Variants in HTT observed in about 807,000 individuals in gnomAD.
HTT encodes huntingtin, also known as huntington disease protein.
HTT carries 104 observed loss-of-function variants against 362.3 expected under a neutral mutation model. That is an observed-to-expected ratio of 0.29 (90% CI 0.24 to 0.34). HTT has a LOEUF of 0.34. Ranked by LOEUF, HTT falls within the 10% of genes least tolerant of loss-of-function variation. The probability of loss-of-function intolerance (pLI) is 1.00; values close to 1 mark genes in which losing one functional copy is unlikely to be tolerated. For synonymous variants in HTT, 1,577 were observed against 1,548.7 expected, an observed-to-expected ratio of 1.02 and a Z score of -0.43; for missense variants, 3,301 against 3,928.6, an observed-to-expected ratio of 0.84 and a Z score of 4.27.
chr4:3,194,455 A>G (rs992335713), intron 40 of HTT, among the ~76,000 whole-genome samples: 4 of 152,250 alleles, frequency 2.6e-5, no homozygotes, highest in African/African-American at 9.6e-5. Flanking sequence ...CCAGAGGCCC[A>G]GGAGGTGGAA....
intron 55 of HTT, 87 bp downstream of exon 55, chr4:3,223,647 A>G (rs1467667949): frequency 1.6e-5 from 19 of 1,223,292 alleles, no homozygotes; most frequent in Non-Finnish European, 2.2e-5. Context: ...AGCTTCAACC[A>G]GGCCGTTTTC....
chr4:3,238,828 C>G lies in HTT; in HGVS notation c.9065C>G (p.Thr3022Ser). The change falls in exon 66 of 67, where the codon ACT becomes AGT. Residue 3022 changes from threonine to serine, a missense_variant. Coordinates refer to ENST00000355072, the MANE Select transcript of HTT (RefSeq NM_001388492.1). ...MATVVYKVFQ[T>S]LHSTGQSSMV... ...GCTTGCTCCTTGCAGGTGTTTCAGA[C>G]TCTGCACAGCACCGGGCAGTCGTCC... 6.3e-7 allele frequency: 1 copy of G among 1,599,228 alleles called. No homozygotes were observed. The highest frequency in any genetic ancestry group is 1.3e-5 in the African/African-American group (1 of 74,410).
rs778931192 is a variant in HTT at position 3,132,875 on chromosome 4, T to G, written c.2457T>G (p.Ser819=). The G allele has an allele frequency of 1.2e-6, 2 of 1,614,080 alleles. No homozygotes were observed. The highest frequency in any genetic ancestry group is 1.7e-6 in the Non-Finnish European group (2 of 1,179,892). The stretch of plus-strand genomic sequence containing the variant: ...TGCGGAAAACACTGAAGGATGAGTC[T>G]TCTGTTACTTGCAAGTTAGCTTGTA... ...PLLRKTLKDE[S]SVTCKLACTA... Residue 819 remains serine, a synonymous_variant, in exon 18 of 67, where the codon TCT becomes TCG. Transcript: ENST00000355072.
rs144449383 is a variant in HTT, at chr4:3,186,756, C to T, written c.4989+37C>T. ...GCCTGGCTCAGCAGATGAATCTGGA[C>T]GGCTTGTTCAGGCTCTGATTACTGG... On this transcript the variant is annotated intron_variant, in intron 38 of 66. Transcript: ENST00000355072. 134 of 1,593,118 alleles carry T rather than the reference C, an allele frequency of 8.4e-5. No individual in the cohort carries two copies. The East Asian group carries it at 1.3e-3, about 15-fold the overall frequency.
rs1721835435 is a variant in HTT at position 3,242,215 on chromosome 4, CAT to C, written c.*2158_*2159del. 6.6e-6 allele frequency: 1 copy of C among 152,176 alleles called. No homozygotes were observed. The highest frequency in any genetic ancestry group is 1.5e-5 in the Non-Finnish European group (1 of 68,040). The allele number at this position is 152,176 out of a possible 1,614,324, so 9.4% of individuals were successfully genotyped here. A position where few individuals can be genotyped will look rare whatever the true frequency, so the allele number is the denominator to read the frequency against. ...TTGGAATGCATATCGCTGGGCTCAA[CAT>C]AGAGTTTGTCTTCCTCTTGTTTACG... is the stretch of plus-strand genomic sequence containing the variant. On this transcript the variant is annotated 3_prime_UTR_variant, in exon 67 of 67. Coordinates refer to ENST00000355072, the MANE Select transcript of HTT (RefSeq NM_001388492.1).
chr4:3,105,401 T>C lies in HTT; in HGVS notation c.573T>C (p.Ala191=). 3.7e-6 allele frequency: 6 copies of C among 1,614,100 alleles called. No homozygotes were observed. The highest frequency in any genetic ancestry group is 5.1e-6 in the Non-Finnish European group (6 of 1,179,928). Reference sequence around the variant, plus strand: ...TGCGTGCTGCCCTGTGGAGGTTTGCTGAGCTGGCTCACCTGGTTCGGCCTC... The same window carrying C: ...TGCGTGCTGCCCTGTGGAGGTTTGCCGAGCTGGCTCACCTGGTTCGGCCTC... ...RSLRAALWRF[A]ELAHLVRPQK... The change falls in exon 5 of 67, where the codon GCT becomes GCC. Residue 191 remains alanine, a synonymous_variant. Coordinates refer to ENST00000355072, the MANE Select transcript of HTT (RefSeq NM_001388492.1).
rs1276925440 is a variant in HTT, at chr4:3,228,583, C to T, written c.7849-32C>T. On this transcript the variant is annotated intron_variant, in intron 57 of 66. Coordinates refer to ENST00000355072, the MANE Select transcript of HTT (RefSeq NM_001388492.1). The surrounding 1 kb of genome is among the most constrained non-coding windows in gnomAD (Gnocchi z 4.3). ...CACCAGGAGCCTGGCACTGTGGCCG[C>T]AGCACTGAGCAGTGCCCCGTTTCTG... The T allele has an allele frequency of 3.9e-6, 6 of 1,525,962 alleles. No homozygotes were observed. Among genetic ancestry groups the T allele is most frequent in the Non-Finnish European group, 5.3e-6 (6 of 1,136,778 alleles). The allele number at this position is 1,525,962 out of a possible 1,614,324, so 94.5% of individuals were successfully genotyped here.
In HTT at chr4:3,212,046, G is replaced by A. The variant is rs765539295; in HGVS notation, c.6532G>A (p.Gly2178Ser). 5.6e-6 allele frequency: 9 copies of A among 1,614,030 alleles called. No individual in the cohort carries two copies. Among genetic ancestry groups the A allele is most frequent in the Non-Finnish European group, 7.6e-6 (9 of 1,180,022 alleles). The change falls in exon 48 of 67, where the codon GGC (glycine) becomes AGC (serine). Residue 2178 changes from glycine (G) to serine (S), a missense_variant. Gly to Ser is a moderately conservative substitution (Grantham distance 56). Transcript: ENST00000355072. ...TGAGGTGACTCTGGCCCGTGTGAGC[G>A]GCACCGTGCAGCAGCTCCCTGCTGT... The part of the protein sequence containing the change: ...AREVTLARVS[G>S]TVQQLPAVHH...
At chr4:3,223,212 C>G (rs934579742) in intron 54 of HTT, among the ~76,000 whole-genome samples, 194 bp from the exon 55 acceptor site, 2 of 152,190 alleles carry the variant, frequency 1.3e-5, no homozygotes, top group Admixed American at 6.5e-5. Flanking sequence ...GGGCTTTTGC[C>G]CATCAGATTG....
Position 3,223,392 on chromosome 4 carries a change from G to A in HTT, c.7471-14G>A. On this transcript the variant is annotated splice_polypyrimidine_tract_variant and intron_variant, in intron 54 of 66. Transcript: ENST00000355072. ...GTCTTGCTGCTCTTGTTGACATGTG[G>A]GCTCTCCTTCCAGGAAGACACAGAG... 3.8e-6 allele frequency: 6 copies of A among 1,565,306 alleles called. No homozygotes were observed. The highest frequency in any genetic ancestry group is 2.4e-5 in the South Asian group (2 of 84,344).
rs1712733370 is a variant in HTT, at chr4:3,078,994, GCCCA to G, written c.263+3909_263+3912del. Among the ~76,000 whole-genome samples the G allele has an allele frequency of 5.3e-5, 8 of 152,040 alleles. No homozygotes were observed. The South Asian group carries it at 1.0e-3, about 20-fold the overall frequency. On this transcript the variant is annotated intron_variant, in intron 1 of 66. Coordinates refer to ENST00000355072, the MANE Select transcript of HTT (RefSeq NM_001388492.1). The stretch of plus-strand genomic sequence containing the variant: ...TCGTCATCCGCCGACCTTGTGATCC[GCCCA>G]CCTCGGCCTCCCAAAGTGCTGGGAT...
chr4:3,161,096 G>A (rs193278720), intron 29 of HTT, among the ~76,000 whole-genome samples: 636 of 152,034 alleles, frequency 4.2e-3, no homozygotes, highest in Non-Finnish European at 6.6e-3. Context: ...CATGGGCCCC[G>A]GTGTGTGATG....
intron 29 of HTT, among the ~76,000 whole-genome samples, chr4:3,170,161 A>G (rs980684196): frequency 6.6e-6 from 1 of 151,956 alleles, no homozygotes; most frequent in Non-Finnish European, 1.5e-5. Flanking sequence ...GTTGGATGCT[A>G]TATATTTTTG....
chr4:3,155,424 AC>A (rs1357895794), intron 27 of HTT, among the ~76,000 whole-genome samples: 2 of 150,154 alleles, frequency 1.3e-5, no homozygotes, highest in African/African-American at 4.9e-5. Context: ...ACGGGGTTTC[AC>A]CTTGTTGGCC....
chr4:3,137,098 G>A (rs1172956289), intron 21 of HTT, among the ~76,000 whole-genome samples: 1 of 151,846 alleles, frequency 6.6e-6, no homozygotes, highest in Non-Finnish European at 1.5e-5. Context: ...AGTAGAGACA[G>A]GGTTTCACGA....
chr4:3,191,641 G>A (rs1334851023), intron 40 of HTT, among the ~76,000 whole-genome samples: 2 of 152,092 alleles, frequency 1.3e-5, no homozygotes, highest in African/African-American at 4.8e-5. Flanking sequence ...GGAGTGGAAG[G>A]GGAACTAAAA....
intron 40 of HTT, among the ~76,000 whole-genome samples, chr4:3,192,743 G>A (rs1719065102): frequency 6.6e-6 from 1 of 152,200 alleles, no homozygotes; most frequent in Non-Finnish European, 1.5e-5. Flanking sequence ...TGGGAGCAGG[G>A]TGCTTTTGTG....
chr4:3,155,728 C>CGA (rs1553915701), intron 27 of HTT, among the ~76,000 whole-genome samples: 14 of 49,602 alleles, frequency 2.8e-4, no homozygotes, highest in African/African-American at 9.3e-4. Flanking sequence ...AAAAATACCA[C>CGA]AAAAAAAAAA....
chr4:3,143,460 A>G (rs1272005305), intron 23 of HTT, among the ~76,000 whole-genome samples: 15 of 151,296 alleles, frequency 9.9e-5, no homozygotes, highest in Non-Finnish European at 1.9e-4. Flanking sequence ...AAAAAAGAAA[A>G]GAAAAAAGTA....
Sources: allele counts gnomAD v4.1 joint callset (sites outside exome capture counted in the v4.1 genomes callset), GRCh38; gene constraint gnomAD v4.1.1; non-coding constraint Gnocchi (gnomAD v3.1); transcripts MANE v1.5; gene names NCBI Gene and HGNC (gene_info 2026-07-23, HGNC 2026-07-21).